SLC30A6: variants seen among roughly 807,000 people sequenced by gnomAD.
SLC30A6 encodes the protein solute carrier family 30 member 6, also known as zinc transporter 6.
SLC30A6 carries 55 observed loss-of-function variants against 63.0 expected under a neutral mutation model. The ratio of observed to expected loss-of-function variants is 0.87; its 90% confidence interval spans 0.70 to 1.09. SLC30A6 has a LOEUF of 1.09. Ranked by LOEUF, SLC30A6 falls within the 50% of genes least tolerant of loss-of-function variation. The pLI is 0.00. For missense variants in SLC30A6, 587 were observed against 549.2 expected, an observed-to-expected ratio of 1.07 and a Z score of -0.69; for synonymous variants, 224 against 186.1, an observed-to-expected ratio of 1.20 and a Z score of -1.66.
At chr2:32,184,205 A>G in intron 4 of SLC30A6, 68 bp from the exon 5 acceptor site, 1 of 858,838 alleles carries the variant, frequency 1.2e-6, no homozygotes, top group Non-Finnish European at 1.7e-6. Context: ...AGGAATTCTG[A>G]AAACTTAATT....
rs938978176 is a variant in SLC30A6, at chr2:32,185,845, G to A, written c.284+1507G>A. On this transcript the variant is annotated intron_variant, in intron 5 of 13. Transcript: ENST00000282587. The stretch of plus-strand genomic sequence containing the variant: ...AGCGATTCTTCTGCCTCAGCCTCCC[G>A]AGTACCTGGGATTACAGGTGTGTGC... Among the ~76,000 whole-genome samples the A allele has an allele frequency of 2.0e-5, 3 of 151,298 alleles. No individual in the cohort carries two copies. The South Asian group carries it at 6.3e-4, about 32-fold the overall frequency.
intron 10 of SLC30A6, chr2:32,201,606 G>T: frequency 6.7e-7 from 1 of 1,501,598 alleles, no homozygotes; most frequent in South Asian, 1.2e-5. Context: ...AGTAATGCCT[G>T]GGAAACTCCT....
chr2:32,216,670 T>A (rs990888623), intron 13 of SLC30A6, among the ~76,000 whole-genome samples: 1 of 152,130 alleles, frequency 6.6e-6, no homozygotes, highest in African/African-American at 2.4e-5. Context: ...TTAGTGATGA[T>A]GAGCATTTTT....
At chr2:32,190,989 A>G (rs1683276262) in intron 5 of SLC30A6, among the ~76,000 whole-genome samples, 1 of 151,370 alleles carries the variant, frequency 6.6e-6, no homozygotes, top group Admixed American at 6.6e-5. Flanking sequence ...GTCTGTTTCT[A>G]GATTCTCTTT....
intron 6 of SLC30A6, 140 bp downstream of exon 6, chr2:32,192,556 A>G: frequency 3.0e-6 from 2 of 661,614 alleles, no homozygotes; most frequent in Admixed American, 3.1e-5. Flanking sequence ...CACTTTCTTT[A>G]TGTTTCAGAC....
At chr2:32,182,913 G>C (rs1258241601) in intron 4 of SLC30A6, among the ~76,000 whole-genome samples, 1 of 152,148 alleles carries the variant, frequency 6.6e-6, no homozygotes, top group African/African-American at 2.4e-5. Flanking sequence ...TCTCAGCCAG[G>C]CACGGTGCCT....
At chr2:32,214,389 A>G (rs1324362854) in intron 13 of SLC30A6, 5 of 151,980 alleles carry the variant, frequency 3.3e-5, no homozygotes, top group Non-Finnish European at 5.9e-5. Flanking sequence ...TTTTAGAACT[A>G]CACACCTTGA....
chr2:32,167,886 A>T (rs557146402), intron 1 of SLC30A6, among the ~76,000 whole-genome samples: 5 of 152,332 alleles, frequency 3.3e-5, no homozygotes, highest in Non-Finnish European at 1.5e-5. Context: ...TACCAGTAAC[A>T]TCTGTAATCC....
intron 4 of SLC30A6, among the ~76,000 whole-genome samples, chr2:32,183,698 A>AT (rs1021966023): frequency 2.0e-5 from 3 of 151,740 alleles, no homozygotes; most frequent in African/African-American, 7.3e-5. Context: ...AAAAAAAAAA[A>AT]AAAAAAGCAT....
chr2:32,166,417 T>G (rs1028113944), intron 1 of SLC30A6, among the ~76,000 whole-genome samples: 2 of 152,254 alleles, frequency 1.3e-5, no homozygotes, highest in African/African-American at 4.8e-5. Context: ...ATAAGCGCAG[T>G]AACTACAGAA....
In SLC30A6 at chr2:32,204,575, GT is replaced by G; in HGVS notation, c.666-9del. 6.4e-7 allele frequency: 1 copy of G among 1,574,470 alleles called. No individual in the cohort carries two copies. The highest frequency in any genetic ancestry group is 8.7e-7 in the Non-Finnish European group (1 of 1,147,334). On this transcript the variant is annotated splice_polypyrimidine_tract_variant and intron_variant, in intron 10 of 13. Coordinates refer to ENST00000282587, the MANE Select transcript of SLC30A6 (RefSeq NM_017964.5). ...AGATATAAATTTAAAATTTAGAATT[GT>G]TTTTTCCTTTTAGTAATTATTTTGC...
rs202024264 is a variant in SLC30A6 at position 32,174,048 on chromosome 2, T to A, written c.91-15T>A. On this transcript the variant is annotated splice_polypyrimidine_tract_variant and intron_variant, in intron 2 of 13. Transcript: ENST00000282587. Reference sequence around the variant, plus strand: ...ATCACTTCTGTACACATAAGAGTGATTTTTATTTTCACAGTCCTGGAAGAT... The same window carrying A: ...ATCACTTCTGTACACATAAGAGTGAATTTTATTTTCACAGTCCTGGAAGAT... The A allele has an allele frequency of 2.1e-5, 34 of 1,606,380 alleles. No homozygotes were observed. The highest frequency in any genetic ancestry group is 2.7e-5 in the African/African-American group (2 of 74,672).
rs79024256 is a variant in SLC30A6 at position 32,187,625 on chromosome 2, A to G, written c.284+3287A>G. Among the ~76,000 whole-genome samples the G allele has an allele frequency of 2.4e-4, 36 of 152,342 alleles. No homozygotes were observed. In the East Asian group the frequency reaches 6.6e-3, roughly 28 times the overall value. On this transcript the variant is annotated intron_variant, in intron 5 of 13. Transcript: ENST00000282587. The stretch of plus-strand genomic sequence containing the variant: ...AGTTCTCTAGGCCTGAGAACTATCT[A>G]GAATTTCAGACTACCTTCTTGACAG...
intron 13 of SLC30A6, among the ~76,000 whole-genome samples, chr2:32,215,156 G>A (rs1685586143): frequency 6.6e-6 from 1 of 152,068 alleles, no homozygotes. Context: ...TTTATTTAGA[G>A]ACCAACATGG....
rs370422353 is a variant in SLC30A6 at position 32,219,155 on chromosome 2, C to T, written c.886-1058C>T. 3.0e-3 allele frequency among the ~76,000 whole-genome samples: 444 copies of T among 150,260 alleles called. 6 individuals are homozygous for T. The highest frequency in any genetic ancestry group is 9.4e-3 in the African/African-American group (384 of 40,946). On this transcript the variant is annotated intron_variant, in intron 13 of 13. Coordinates refer to ENST00000282587, the MANE Select transcript of SLC30A6 (RefSeq NM_017964.5). ...TTCAAGCAATTCTTCTGCCTCAGCC[C>T]CCTGAGTAGCTGGGATTATAGGCAC...
At chr2:32,215,867 A>ATT (rs68057873) in intron 13 of SLC30A6, among the ~76,000 whole-genome samples, 1 of 150,826 alleles carries the variant, frequency 6.6e-6, no homozygotes, top group Non-Finnish European at 1.5e-5. Context: ...TGGCTAATTT[A>ATT]TTTTTTATAA....
At chr2:32,200,077 T>TAC (rs35617136) in intron 10 of SLC30A6, among the ~76,000 whole-genome samples, 3,261 of 149,274 alleles carry the variant, frequency 0.022, 49 homozygotes, top group East Asian at 0.041. Flanking sequence ...GAGACATATA[T>TAC]ACACACACAC....
intron 4 of SLC30A6, among the ~76,000 whole-genome samples, chr2:32,178,463 C>A (rs1180816690): frequency 2.0e-5 from 3 of 152,062 alleles, no homozygotes; most frequent in Non-Finnish European, 4.4e-5. Flanking sequence ...CACCTGAGGT[C>A]AAGAGTTTGA....
intron 3 of SLC30A6, 121 bp from the exon 4 acceptor site, chr2:32,175,198 G>A: frequency 1.3e-6 from 1 of 775,472 alleles, no homozygotes; most frequent in Non-Finnish European, 2.1e-6. Context: ...ATATGAGGTT[G>A]GCCCGTGACT....
Sources: gnomAD v4.1 joint callset for allele counts (sites outside exome capture counted in the v4.1 genomes callset) on GRCh38, gnomAD v4.1.1 for gene constraint, MANE v1.5 for transcripts, NCBI Gene and HGNC (gene_info 2026-07-23, HGNC 2026-07-21) for gene names.